PIBF1: variants seen among roughly 807,000 people sequenced by gnomAD.
PIBF1 encodes progesterone-induced-blocking factor 1.
In PIBF1, 90 loss-of-function variants were observed where a neutral mutation model predicts 112.5. The ratio of observed to expected loss-of-function variants is 0.80; its 90% confidence interval spans 0.67 to 0.95. The LOEUF (loss-of-function observed/expected upper bound fraction) is 0.95, where lower values mean the gene tolerates loss of function less well. Ranked by LOEUF, PIBF1 falls within the 40% of genes least tolerant of loss-of-function variation. The pLI is 0.00. For synonymous variants in PIBF1, 301 were observed against 288.6 expected, an observed-to-expected ratio of 1.04 and a Z score of -0.44; for missense variants, 915 against 852.3, an observed-to-expected ratio of 1.07 and a Z score of -0.92.
intron 14 of PIBF1, among the ~76,000 whole-genome samples, chr13:72,939,190 G>A (rs1233922210): frequency 6.6e-6 from 1 of 152,122 alleles, no homozygotes; most frequent in Non-Finnish European, 1.5e-5. Context: ...CTTTATCTTA[G>A]GTGTCTTGTG....
At chr13:72,950,290 C>G (rs1327613602) in intron 14 of PIBF1, among the ~76,000 whole-genome samples, 1 of 152,184 alleles carries the variant, frequency 6.6e-6, no homozygotes, top group African/African-American at 2.4e-5. Flanking sequence ...CATTCTTTAT[C>G]TAGAGAGGTG....
At chr13:72,959,431 A>G (rs1431709348) in intron 14 of PIBF1, among the ~76,000 whole-genome samples, 2 of 152,244 alleles carry the variant, frequency 1.3e-5, no homozygotes, top group Non-Finnish European at 2.9e-5. Context: ...AAGCAAGGAT[A>G]TGTGACTGAT....
chr13:72,872,030 A>G (rs2039188948), intron 10 of PIBF1, among the ~76,000 whole-genome samples: 2 of 152,186 alleles, frequency 1.3e-5, no homozygotes, highest in South Asian at 4.1e-4. Flanking sequence ...TGGAGGGTAA[A>G]TAGCCTAGGA....
chr13:72,973,758 T>A (rs1404604094), intron 16 of PIBF1, 83 bp downstream of exon 16: 1 of 740,746 alleles, frequency 1.3e-6, no homozygotes, highest in African/African-American at 1.8e-5. Flanking sequence ...TGGATCCCAG[T>A]TGTGCATGTT....
chr13:72,946,777 C>T (rs762539130), intron 14 of PIBF1, among the ~76,000 whole-genome samples: 3 of 152,220 alleles, frequency 2.0e-5, no homozygotes, highest in Non-Finnish European at 4.4e-5. Context: ...TTTGACTCCA[C>T]GTCTCACATC....
intron 10 of PIBF1, among the ~76,000 whole-genome samples, chr13:72,863,590 G>A (rs769046713): frequency 9.3e-5 from 14 of 151,134 alleles, no homozygotes; most frequent in African/African-American, 1.7e-4. Flanking sequence ...CCCAGGAAGC[G>A]GAGCTTGCAA....
intron 8 of PIBF1, among the ~76,000 whole-genome samples, chr13:72,828,458 G>A (rs2036936049): frequency 6.6e-6 from 1 of 151,960 alleles, no homozygotes; most frequent in Admixed American, 6.6e-5. Flanking sequence ...GCCGGTGTGT[G>A]ATGTTCCCCT....
chr13:72,947,999 G>A lies in PIBF1; in HGVS notation c.1833+16732G>A, dbSNP rs541083834. On this transcript the variant is annotated intron_variant, in intron 14 of 17. Coordinates refer to ENST00000326291, the MANE Select transcript of PIBF1 (RefSeq NM_006346.4). ...AGGAACAGAAAACCAAACACCACGT[G>A]TTCTCACTCATAAGTGGGAGTTAAA... Among the ~76,000 whole-genome samples, 64 of 152,136 alleles carry A rather than the reference G, an allele frequency of 4.2e-4. 2 individuals are homozygous for A. Among genetic ancestry groups the A allele is most frequent in the African/African-American group, 1.5e-3 (62 of 41,516 alleles).
In PIBF1 at chr13:72,792,498, C is replaced by G; in HGVS notation, c.304C>G (p.Leu102Val). The change falls in exon 3 of 18, where the codon CTA becomes GTA. Residue 102 changes from leucine to valine, a missense_variant. Leu to Val is a conservative substitution (Grantham distance 32). Coordinates refer to ENST00000326291, the MANE Select transcript of PIBF1 (RefSeq NM_006346.4). ...TGATGCACTTCACCAGAAGCAGCTA[C>G]TAACATTGAGATTAGACAACCAATT... Reference protein sequence around the residue: ...LNDALHQKQLLTLRLDNQLAF... With the variant: ...LNDALHQKQLVTLRLDNQLAF... 6.3e-7 allele frequency: 1 copy of G among 1,576,964 alleles called. No homozygotes were observed. The highest frequency in any genetic ancestry group is 8.6e-7 in the Non-Finnish European group (1 of 1,166,138).
At chr13:72,814,195 T>C (rs1483233019) in intron 5 of PIBF1, among the ~76,000 whole-genome samples, 1 of 152,144 alleles carries the variant, frequency 6.6e-6, no homozygotes, top group Non-Finnish European at 1.5e-5. Context: ...CCCAGCGCTC[T>C]AGGAGGCTGA....
chr13:72,964,466 A>G (rs1424668605), intron 14 of PIBF1, among the ~76,000 whole-genome samples: 1 of 152,218 alleles, frequency 6.6e-6, no homozygotes, highest in African/African-American at 2.4e-5. Flanking sequence ...CACTTTTCAC[A>G]TGATTAAAAT....
intron 10 of PIBF1, among the ~76,000 whole-genome samples, chr13:72,857,814 T>A (rs1277377503): frequency 6.6e-6 from 1 of 152,166 alleles, no homozygotes; most frequent in Non-Finnish European, 1.5e-5. Flanking sequence ...CACTCCAGCC[T>A]GGGCTACAAG....
intron 9 of PIBF1, among the ~76,000 whole-genome samples, chr13:72,837,214 A>G (rs1175615698): frequency 1.3e-5 from 2 of 152,130 alleles, no homozygotes; most frequent in East Asian, 1.9e-4. Context: ...ATGTTTTGAC[A>G]TATTAATTTT....
chr13:72,835,351 G>A lies in PIBF1; in HGVS notation c.1206G>A (p.Met402Ile). The A allele has an allele frequency of 1.9e-6, 3 of 1,567,834 alleles. No homozygotes were observed. Among genetic ancestry groups the A allele is most frequent in the Non-Finnish European group, 2.6e-6 (3 of 1,162,970 alleles). Residue 402 changes from methionine to isoleucine, a missense_variant, in exon 9 of 18, where the codon ATG becomes ATA. By Grantham distance (10) the Met-to-Ile change is conservative (BLOSUM62 1). Transcript: ENST00000326291. Reference sequence around the variant, plus strand: ...AACTTCGAAATGCCTCTAGGGAAATGTATGAACGAGAAAACAGGTAAAAAA... The same window carrying A: ...AACTTCGAAATGCCTCTAGGGAAATATATGAACGAGAAAACAGGTAAAAAA... ...IDQLRNASRE[M>I]YERENRNLRE...
chr13:72,953,864 G>A (rs1022076630), intron 14 of PIBF1, among the ~76,000 whole-genome samples: 1 of 152,120 alleles, frequency 6.6e-6, no homozygotes, highest in Admixed American at 6.5e-5. Context: ...ACCCAGGGCA[G>A]GCACTCTGGG....
chr13:72,890,425 T>C (rs1455368912), intron 10 of PIBF1, among the ~76,000 whole-genome samples: 3 of 152,160 alleles, frequency 2.0e-5, no homozygotes, highest in Non-Finnish European at 2.9e-5. Context: ...TGAATATTCC[T>C]TCAGAGCAAA....
At chr13:72,798,216 T>C (rs2035291935) in intron 5 of PIBF1, among the ~76,000 whole-genome samples, 190 bp downstream of exon 5, 1 of 152,218 alleles carries the variant, frequency 6.6e-6, no homozygotes, top group Non-Finnish European at 1.5e-5. Flanking sequence ...AAGACAAGTC[T>C]GTGTTATTGA....
Position 72,999,001 on chromosome 13 carries a change from T to G in PIBF1, c.2223+6T>G. 6.6e-7 allele frequency: 1 copy of G among 1,525,292 alleles called. No individual in the cohort carries two copies. 94.5% of individuals were successfully genotyped at this position (1,525,292 alleles called of 1,614,324 possible). A position where few individuals can be genotyped will look rare whatever the true frequency, so the allele number is the denominator to read the frequency against. On this transcript the variant is annotated splice_donor_region_variant and intron_variant, in intron 17 of 17. Transcript: ENST00000326291. ...CACCTAAACCAACACTCTTTGTAAG[T>G]ACAATTTTTAAAACTCATAATTTTA...
chr13:72,949,002 AAAG>A (rs1307678337), intron 14 of PIBF1, among the ~76,000 whole-genome samples: 1 of 152,238 alleles, frequency 6.6e-6, no homozygotes, highest in Non-Finnish European at 1.5e-5. Context: ...CAAGTATATC[AAAG>A]AAGAATCAAA....
Sources: gnomAD v4.1 joint callset for allele counts (sites outside exome capture counted in the v4.1 genomes callset) on GRCh38, gnomAD v4.1.1 for gene constraint, MANE v1.5 for transcripts, NCBI Gene and HGNC (gene_info 2026-07-23, HGNC 2026-07-21) for gene names.